RBFOX1: variants seen among roughly 807,000 people sequenced by gnomAD.
The protein encoded by RBFOX1 is RNA binding fox-1 homolog 1, also known as RNA binding protein fox-1 homolog 1.
Under a neutral mutation model 57.7 loss-of-function variants are expected in RBFOX1, and 8 were observed. The ratio of observed to expected loss-of-function variants is 0.14; its 90% CI spans 0.08 to 0.25. RBFOX1 has a LOEUF of 0.25. RBFOX1 is among the 10% of genes least tolerant of loss of function. The pLI is 1.00. For synonymous variants in RBFOX1, 326 were observed against 222.4 expected (o/e 1.47, Z -4.15); for missense variants, 611 against 548.5 (o/e 1.11, Z -1.14).
intron 2 of RBFOX1, among the ~76,000 whole-genome samples, chr16:6,398,880 G>T (rs570235215): frequency 6.6e-6 from 1 of 152,220 alleles, no homozygotes; most frequent in Non-Finnish European, 1.5e-5. Context: ...GCTCCAGTGG[G>T]ACTCTGTCTG....
At chr16:6,657,624 T>G (rs1311891589) in intron 3 of RBFOX1, among the ~76,000 whole-genome samples, 1 of 152,172 alleles carries the variant, frequency 6.6e-6, no homozygotes, top group Non-Finnish European at 1.5e-5. Context: ...CGTGTGTGTG[T>G]GCATGTCCCT....
intron 2 of RBFOX1, among the ~76,000 whole-genome samples, chr16:6,399,752 C>A (rs2092993604): frequency 6.6e-6 from 1 of 152,110 alleles, no homozygotes; most frequent in Non-Finnish European, 1.5e-5. Flanking sequence ...GAAGAAATAC[C>A]TGAGACTCGG....
chr16:6,103,057 A>G (rs1337108534), intron 1 of RBFOX1, among the ~76,000 whole-genome samples: 1 of 152,202 alleles, frequency 6.6e-6, no homozygotes, highest in African/African-American at 2.4e-5. Flanking sequence ...GGGATTTAAA[A>G]TATAGATCGA....
chr16:7,177,202 T>C (rs1384256213), intron 4 of RBFOX1, among the ~76,000 whole-genome samples: 1 of 152,190 alleles, frequency 6.6e-6, no homozygotes, highest in African/African-American at 2.4e-5. Context: ...ATAGCGACAA[T>C]ACAACCGCTT....
chr16:7,002,847 G>C (rs181069239), intron 3 of RBFOX1, among the ~76,000 whole-genome samples: 187 of 152,316 alleles, frequency 1.2e-3, no homozygotes, highest in Middle Eastern at 3.4e-3. Flanking sequence ...GCTGATAGGA[G>C]TTTCTCTCAA....
intron 2 of RBFOX1, among the ~76,000 whole-genome samples, chr16:6,508,310 C>T (rs1237225714): frequency 1.3e-5 from 2 of 152,108 alleles, no homozygotes; most frequent in Admixed American, 6.5e-5. Flanking sequence ...CAACAAAACC[C>T]TATGACACAA....
At chr16:6,614,477 C>G (rs896654116) in intron 2 of RBFOX1, among the ~76,000 whole-genome samples, 1 of 152,170 alleles carries the variant, frequency 6.6e-6, no homozygotes, top group African/African-American at 2.4e-5. Context: ...CGGGACAGGA[C>G]AAACCAATCA....
At chr16:5,316,241 A>G (rs1170765873) in intron 1 of RBFOX1, among the ~76,000 whole-genome samples, 1 of 152,220 alleles carries the variant, frequency 6.6e-6, no homozygotes, top group Non-Finnish European at 1.5e-5. Context: ...GTGACTCAAC[A>G]GGCTAGGGAA....
chr16:6,083,182 T>C (rs2096032645), intron 1 of RBFOX1, among the ~76,000 whole-genome samples: 1 of 152,072 alleles, frequency 6.6e-6, no homozygotes, highest in Non-Finnish European at 1.5e-5. Flanking sequence ...TTTGTATTTT[T>C]AGTGGAGATG....
chr16:5,441,362 G>GGT (rs1228532618), intron 1 of RBFOX1, among the ~76,000 whole-genome samples: 10 of 128,574 alleles, frequency 7.8e-5, no homozygotes, highest in Admixed American at 1.8e-4. Context: ...AAGGAAAGAG[G>GGT]GTTTTTTTTT....
At chr16:6,336,183 T>A (rs201830368) in intron 2 of RBFOX1, among the ~76,000 whole-genome samples, 84 of 22,464 alleles carry the variant, frequency 3.7e-3, no homozygotes, top group Middle Eastern at 0.045. Context: ...ATATATATAT[T>A]TTTTTTTTTT....
chr16:7,351,376 C>G (rs574765000), intron 4 of RBFOX1, among the ~76,000 whole-genome samples: 1 of 152,268 alleles, frequency 6.6e-6, no homozygotes, highest in African/African-American at 2.4e-5. Flanking sequence ...TTAATCACCA[C>G]TACGTGCAAG....
chr16:6,524,986 G>A (rs2096559022), intron 2 of RBFOX1, among the ~76,000 whole-genome samples: 1 of 152,080 alleles, frequency 6.6e-6, no homozygotes, highest in Non-Finnish European at 1.5e-5. Flanking sequence ...CTGAGTATCT[G>A]GGTAAACATA....
At chr16:7,163,700 A>T (rs902066254) in intron 4 of RBFOX1, among the ~76,000 whole-genome samples, 2 of 151,882 alleles carry the variant, frequency 1.3e-5, no homozygotes, top group African/African-American at 4.8e-5. Context: ...TCTGTCACCC[A>T]TGCTGGAGTG....
At chr16:6,677,554 A>T (rs947353958) in intron 3 of RBFOX1, among the ~76,000 whole-genome samples, 6 of 152,214 alleles carry the variant, frequency 3.9e-5, no homozygotes, top group Admixed American at 3.9e-4. Context: ...AATAAAAATT[A>T]AGCCCGGAAG....
At chr16:7,663,686 C>T (rs79361209) in intron 12 of RBFOX1, among the ~76,000 whole-genome samples, 1 of 152,122 alleles carries the variant, frequency 6.6e-6, no homozygotes, top group Non-Finnish European at 1.5e-5. Flanking sequence ...TTGCCAGAAT[C>T]ATAAGTCATC....
intron 2 of RBFOX1, among the ~76,000 whole-genome samples, chr16:6,402,148 A>G (rs548095230): frequency 6.6e-6 from 1 of 152,138 alleles, no homozygotes; most frequent in African/African-American, 2.4e-5. Flanking sequence ...AATGCTAAGC[A>G]TGCATGCAGA....
At position 5,613,529 on chromosome 16, in the gene RBFOX1, G is replaced by A. The variant is rs139960313; in HGVS notation, c.318+14568G>A. On this transcript the variant is annotated intron_variant, in intron 3 of 19. Transcript: ENST00000641259. ...AAACTGAGGGCAGAGGGGAATGAGA[G>A]AGTCATACTCCAAGTGAAATTTTCC... is the stretch of plus-strand genomic sequence containing the variant. Among the ~76,000 whole-genome samples the A allele has an allele frequency of 3.9e-3, 588 of 152,320 alleles. 4 individuals carry two copies. The highest frequency in any genetic ancestry group is 6.8e-3 in the Non-Finnish European group (462 of 68,036).
At chr16:7,567,281 C>G (rs1296435176) in intron 5 of RBFOX1, among the ~76,000 whole-genome samples, 1 of 102,988 alleles carries the variant, frequency 9.7e-6, no homozygotes, top group East Asian at 2.4e-4. Context: ...ATATATATCC[C>G]TATATATCCT....
Sources: gnomAD v4.1 joint callset for allele counts (sites outside exome capture counted in the v4.1 genomes callset) on GRCh38, gnomAD v4.1.1 for gene constraint, MANE v1.5 for transcripts, NCBI Gene and HGNC (gene_info 2026-07-23, HGNC 2026-07-21) for gene names.